GFPT1: variants seen among roughly 807,000 people sequenced by gnomAD.
GFPT1 encodes the protein glutamine--fructose-6-phosphate aminotransferase [isomerizing] 1.
In GFPT1, 40 loss-of-function variants were observed where a neutral mutation model predicts 92.0. The ratio of observed to expected loss-of-function variants is 0.43; its 90% CI spans 0.34 to 0.57. The LOEUF (loss-of-function observed/expected upper bound fraction) is 0.57, where lower values mean the gene tolerates loss of function less well. GFPT1 is among the 20% of genes least tolerant of loss of function. The probability of loss-of-function intolerance (pLI) is 0.02; values close to 1 mark genes in which losing one functional copy is unlikely to be tolerated. For missense variants in GFPT1, 448 were observed against 869.1 expected, an observed-to-expected ratio of 0.52 and a Z score of 6.09; for synonymous variants, 269 against 280.6, an observed-to-expected ratio of 0.96 and a Z score of 0.41.
At chr2:69,333,112 T>G (rs933828121) in intron 15 of GFPT1, among the ~76,000 whole-genome samples, 6 of 152,192 alleles carry the variant, frequency 3.9e-5, no homozygotes, top group African/African-American at 1.4e-4. Context: ...CACATCTATA[T>G]TCTAAATTCC....
chr2:69,352,177 C>A (rs1214127948), intron 9 of GFPT1, among the ~76,000 whole-genome samples: 1 of 152,062 alleles, frequency 6.6e-6, no homozygotes, highest in Non-Finnish European at 1.5e-5. Context: ...GTGGGAGAAT[C>A]GCTTGAACCT....
chr2:69,379,908 G>T (rs948752002), intron 1 of GFPT1, among the ~76,000 whole-genome samples: 1 of 151,502 alleles, frequency 6.6e-6, no homozygotes, highest in African/African-American at 2.4e-5. Context: ...TTGTAGAAAT[G>T]AGGTCTTACT....
rs1030519030 is a variant in GFPT1, at chr2:69,320,054, G to C, written c.*6135C>G. The C allele has an allele frequency of 6.6e-6, 1 of 152,150 alleles. No individual in the cohort carries two copies. The highest frequency in any genetic ancestry group is 1.5e-5 in the Non-Finnish European group (1 of 68,032). The allele number at this position is 152,150 out of a possible 1,614,324, so 9.4% of individuals were successfully genotyped here. ...TGGGCATTACTTGAAGATAACAATG[G>C]AGCAAGCTTTTTAATGAACTTGCCA... is the stretch of plus-strand genomic sequence containing the variant. On this transcript the variant is annotated 3_prime_UTR_variant, in exon 20 of 20. Transcript: ENST00000357308.
At chr2:69,357,826 G>T (rs1288166194) in intron 6 of GFPT1, among the ~76,000 whole-genome samples, 3 of 152,152 alleles carry the variant, frequency 2.0e-5, no homozygotes, top group Non-Finnish European at 4.4e-5. Flanking sequence ...CTTTTCTATA[G>T]AAGTTCAGAG....
intron 4 of GFPT1, among the ~76,000 whole-genome samples, chr2:69,361,486 G>A (rs1671471278): frequency 6.8e-6 from 1 of 147,096 alleles, no homozygotes; most frequent in African/African-American, 2.5e-5. Flanking sequence ...CTAGAACAAA[G>A]AGATTAATAA....
chr2:69,329,558 T>C (rs895933183), intron 16 of GFPT1, 126 bp downstream of exon 16: 1 of 950,748 alleles, frequency 1.1e-6, no homozygotes, highest in African/African-American at 1.6e-5. Flanking sequence ...TTTTAATACA[T>C]CGGAGCAAAC....
intron 11 of GFPT1, among the ~76,000 whole-genome samples, chr2:69,347,797 T>G (rs1337191330): frequency 1.3e-5 from 2 of 152,204 alleles, no homozygotes; most frequent in Non-Finnish European, 2.9e-5. Flanking sequence ...AGTAGCTTCT[T>G]AATCCTCAAA....
At chr2:69,330,914 T>G (rs1027680266) in intron 15 of GFPT1, among the ~76,000 whole-genome samples, 2 of 152,178 alleles carry the variant, frequency 1.3e-5, no homozygotes, top group Non-Finnish European at 2.9e-5. Flanking sequence ...AAGATTATAA[T>G]GACAATTAAA....
Position 69,323,059 on chromosome 2 carries a change from CAT to C in GFPT1, c.*3128_*3129del, listed in dbSNP as rs957432960. 1.3e-5 allele frequency: 2 copies of C among 152,200 alleles called. No homozygotes were observed. Among genetic ancestry groups the C allele is most frequent in the African/African-American group, 2.4e-5 (1 of 41,436 alleles). The allele number at this position is 152,200 out of a possible 1,614,324, so 9.4% of individuals were successfully genotyped here. ...ATAGGTATTAATAAACACTTGTTGA[CAT>C]AGTTATAATAAGCTAAAAATAGTTA... On this transcript the variant is annotated 3_prime_UTR_variant, in exon 20 of 20. Coordinates refer to ENST00000357308, the MANE Select transcript of GFPT1 (RefSeq NM_001244710.2).
chr2:69,346,928 G>A (rs989672716), intron 11 of GFPT1, among the ~76,000 whole-genome samples: 8 of 151,208 alleles, frequency 5.3e-5, no homozygotes, highest in African/African-American at 1.9e-4. Context: ...TGTTTTGTTT[G>A]AGACAGAGTC....
intron 3 of GFPT1, among the ~76,000 whole-genome samples, chr2:69,367,585 A>C (rs7589430): frequency 6.6e-6 from 1 of 151,984 alleles, no homozygotes; most frequent in Non-Finnish European, 1.5e-5. Flanking sequence ...GGTCTCAAAC[A>C]CCAGAGCTCA....
intron 15 of GFPT1, among the ~76,000 whole-genome samples, chr2:69,336,664 A>T (rs1474515302): frequency 6.6e-6 from 1 of 150,882 alleles, no homozygotes; most frequent in Non-Finnish European, 1.5e-5. Flanking sequence ...AGCCTGGTGC[A>T]TCTGCAGTCC....
chr2:69,378,281 C>T (rs752608022), intron 1 of GFPT1, among the ~76,000 whole-genome samples: 5 of 152,218 alleles, frequency 3.3e-5, no homozygotes, highest in Non-Finnish European at 7.3e-5. Flanking sequence ...GCTAGGATTA[C>T]AGGCATAAGC....
intron 9 of GFPT1, among the ~76,000 whole-genome samples, chr2:69,350,426 GT>G (rs1558751527): frequency 6.6e-6 from 1 of 151,888 alleles, no homozygotes; most frequent in Admixed American, 6.6e-5. Context: ...TACATTATAT[GT>G]TTTTTTAATA....
intron 3 of GFPT1, among the ~76,000 whole-genome samples, chr2:69,367,749 C>T (rs921415678): frequency 1.3e-5 from 2 of 152,188 alleles, no homozygotes; most frequent in Non-Finnish European, 2.9e-5. Context: ...GTTGTCATGT[C>T]ACCTTGTTCA....
intron 15 of GFPT1, among the ~76,000 whole-genome samples, chr2:69,333,127 T>C (rs1047148495): frequency 1.3e-5 from 2 of 152,150 alleles, no homozygotes; most frequent in African/African-American, 4.8e-5. Context: ...AATTCCAGAC[T>C]CTTCCAGTCT....
At chr2:69,356,425 T>C (rs1671339493) in intron 7 of GFPT1, 71 bp downstream of exon 7, 2 of 1,025,104 alleles carry the variant, frequency 2.0e-6, no homozygotes, top group African/African-American at 1.6e-5. Context: ...GGGTCATGTA[T>C]AGTCTACGAA....
chr2:69,384,555 T>C (rs769897146), intron 1 of GFPT1, among the ~76,000 whole-genome samples: 2 of 151,398 alleles, frequency 1.3e-5, no homozygotes, highest in Admixed American at 6.6e-5. Flanking sequence ...CTACCAAAAA[T>C]GCAAAAATTA....
In GFPT1 at chr2:69,329,525, G is replaced by A. The variant is rs1057235821; in HGVS notation, c.1598-101C>T. On this transcript the variant is annotated intron_variant, in intron 16 of 19. Transcript: ENST00000357308. ...AAGACCAGTGTTTCTATTCCTCTGT[G>A]CTATCAATCAGTATGGGTATTTTTT... The A allele has an allele frequency of 3.7e-5, 38 of 1,014,436 alleles. No individual in the cohort carries two copies. The South Asian group carries it at 5.1e-4, about 14-fold the overall frequency. The allele number at this position is 1,014,436 out of a possible 1,614,324, so 62.8% of individuals were successfully genotyped here. A position where few individuals can be genotyped will look rare whatever the true frequency, so the allele number is the denominator to read the frequency against.
Sources: allele counts gnomAD v4.1 joint callset (sites outside exome capture counted in the v4.1 genomes callset), GRCh38; gene constraint gnomAD v4.1.1; transcripts MANE v1.5; gene names NCBI Gene and HGNC (gene_info 2026-07-23, HGNC 2026-07-21).